ADAM23: variants seen among roughly 807,000 people sequenced by gnomAD.
The protein encoded by ADAM23 is disintegrin and metalloproteinase domain-containing protein 23.
A neutral mutation model predicts 120.1 loss-of-function variants in ADAM23; 33 were observed. The observed-to-expected ratio is 0.27, with a 90% CI of 0.21 to 0.37. The LOEUF (loss-of-function observed/expected upper bound fraction) is 0.37, where lower values mean the gene tolerates loss of function less well. Ranked by LOEUF, ADAM23 falls within the 10% of genes least tolerant of loss-of-function variation. ADAM23 has a pLI of 1.00. For missense variants in ADAM23, 862 were observed against 1,058.2 expected (o/e 0.81, Z 2.57); for synonymous variants, 367 against 375.2 (o/e 0.98, Z 0.25).
At chr2:206,597,705 GT>G (rs1273552179) in intron 24 of ADAM23, among the ~76,000 whole-genome samples, 1 of 152,142 alleles carries the variant, frequency 6.6e-6, no homozygotes, top group African/African-American at 2.4e-5. Flanking sequence ...ACTGCTAACA[GT>G]TTTTTTGTAA....
At chr2:206,527,667 C>T (rs919967809) in intron 3 of ADAM23, among the ~76,000 whole-genome samples, 1 of 152,172 alleles carries the variant, frequency 6.6e-6, no homozygotes, top group Admixed American at 6.5e-5. Flanking sequence ...TAGATGTTTG[C>T]TCACTCAGCA....
chr2:206,576,363 G>C (rs1444293677), intron 18 of ADAM23, among the ~76,000 whole-genome samples: 1 of 151,990 alleles, frequency 6.6e-6, no homozygotes, highest in Non-Finnish European at 1.5e-5. Context: ...CTAGAAATAA[G>C]ATTTTTATGA....
At position 206,487,129 on chromosome 2, in the gene ADAM23, CAT is replaced by C. The variant is rs137939929; in HGVS notation, c.509+5822_509+5823del. On this transcript the variant is annotated intron_variant, in intron 3 of 25. Transcript: ENST00000264377. Reference sequence around the variant, plus strand: ...TTGTTGCAAGGATTAGATGAGATAACATGTGGTGCTTGCACGTGTTTGTTGAC... The same window carrying C: ...TTGTTGCAAGGATTAGATGAGATAACGTGGTGCTTGCACGTGTTTGTTGAC... Among the ~76,000 whole-genome samples, 137 of 152,268 alleles carry C rather than the reference CAT, an allele frequency of 9.0e-4. 2 individuals carry two copies. The East Asian group carries it at 0.025, about 28-fold the overall frequency.
intron 3 of ADAM23, among the ~76,000 whole-genome samples, chr2:206,494,481 C>A (rs947505818): frequency 2.6e-5 from 4 of 152,120 alleles, no homozygotes; most frequent in Non-Finnish European, 5.9e-5. Flanking sequence ...TTTAAGGAGC[C>A]CACAGTTTAG....
chr2:206,468,988 A>G (rs1305317976), intron 2 of ADAM23, among the ~76,000 whole-genome samples: 1 of 151,958 alleles, frequency 6.6e-6, no homozygotes, highest in Non-Finnish European at 1.5e-5. Context: ...ACCAAATCTC[A>G]TGACAACTCA....
intron 3 of ADAM23, among the ~76,000 whole-genome samples, chr2:206,506,026 T>A (rs1696490245): frequency 6.6e-6 from 1 of 152,208 alleles, no homozygotes; most frequent in African/African-American, 2.4e-5. Flanking sequence ...CTTTTTTAGT[T>A]GTGTGTTGAC....
At chr2:206,514,168 G>GTAT (rs1349052491) in intron 3 of ADAM23, among the ~76,000 whole-genome samples, 1 of 152,112 alleles carries the variant, frequency 6.6e-6, no homozygotes, top group Non-Finnish European at 1.5e-5. Context: ...AATACATTTT[G>GTAT]TATTACATTT....
chr2:206,451,380 C>T (rs2269184), intron 2 of ADAM23, among the ~76,000 whole-genome samples: 55,229 of 151,996 alleles, frequency 0.36, 10,185 homozygotes, highest in Middle Eastern at 0.41. Flanking sequence ...GCTAGGACTA[C>T]AGGTGTGTGC....
At chr2:206,538,837 C>T (rs1217756666) in intron 4 of ADAM23, among the ~76,000 whole-genome samples, 1 of 152,088 alleles carries the variant, frequency 6.6e-6, no homozygotes, top group African/African-American at 2.4e-5. Flanking sequence ...TCTCAAACTC[C>T]TCCTGGGCTT....
chr2:206,572,477 G>C (rs1296604130), intron 17 of ADAM23, among the ~76,000 whole-genome samples: 1 of 151,978 alleles, frequency 6.6e-6, no homozygotes, highest in Non-Finnish European at 1.5e-5. Context: ...TCAATATTAG[G>C]GGGTACTATG....
intron 2 of ADAM23, among the ~76,000 whole-genome samples, chr2:206,454,642 A>T (rs139019646): frequency 1.3e-5 from 2 of 152,214 alleles, no homozygotes; most frequent in African/African-American, 4.8e-5. Context: ...TCTGTAAAAT[A>T]AAAAACAAGT....
intron 17 of ADAM23, 148 bp from the exon 18 acceptor site, chr2:206,572,967 C>A: frequency 1.4e-6 from 1 of 734,188 alleles, no homozygotes; most frequent in Non-Finnish European, 2.4e-6. Context: ...TTCTATTCTG[C>A]AATAGGATAT....
chr2:206,527,882 A>G (rs1696973807), intron 3 of ADAM23, among the ~76,000 whole-genome samples: 1 of 152,178 alleles, frequency 6.6e-6, no homozygotes, highest in Non-Finnish European at 1.5e-5. Flanking sequence ...TATTTCTCTC[A>G]GTATTTGCCA....
chr2:206,540,216 TACACACACACACACAC>T (rs71034461), intron 4 of ADAM23, among the ~76,000 whole-genome samples: 186 of 131,930 alleles, frequency 1.4e-3, no homozygotes, highest in Middle Eastern at 3.9e-3. Context: ...CCCTTCACTG[TACACACACACACACAC>T]ACACACACAC....
At position 206,543,306 on chromosome 2, in the gene ADAM23, T is replaced by C; in HGVS notation, c.710T>C (p.Val237Ala). 1.2e-6 allele frequency: 2 copies of C among 1,613,998 alleles called. No individual in the cohort carries two copies. Among genetic ancestry groups the C allele is most frequent in the Non-Finnish European group, 1.7e-6 (2 of 1,179,888 alleles). The change falls in exon 6 of 26, where the codon GTT (valine) becomes GCT (alanine). Residue 237 changes from valine (V) to alanine (A), a missense_variant. Physicochemically the swap from Val to Ala is moderately conservative, Grantham distance 64. Transcript: ENST00000264377. ...TATATGATAGAGCCACTAGAGCTGG[T>C]TCATGATGAGGTGAGTCTATGCCAT... ...FVYMIEPLEL[V>A]HDEKSTGRPH... is the part of the protein sequence containing the mutation.
intron 2 of ADAM23, among the ~76,000 whole-genome samples, chr2:206,447,334 C>A (rs968621049): frequency 2.0e-5 from 3 of 152,202 alleles, no homozygotes; most frequent in Non-Finnish European, 4.4e-5. Flanking sequence ...ATTAGTTTAA[C>A]TCTATAAACA....
intron 3 of ADAM23, among the ~76,000 whole-genome samples, chr2:206,496,324 A>C (rs551496630): frequency 6.6e-6 from 1 of 152,308 alleles, no homozygotes; most frequent in South Asian, 2.1e-4. Flanking sequence ...GTGCAATCAA[A>C]CTAGAACTCA....
chr2:206,501,622 A>T (rs937105595), intron 3 of ADAM23, among the ~76,000 whole-genome samples: 7 of 145,650 alleles, frequency 4.8e-5, no homozygotes, highest in African/African-American at 2.0e-4. Flanking sequence ...TTTTAAGCAC[A>T]TAAGAAGCTA....
At chr2:206,456,342 C>G (rs113613480) in intron 2 of ADAM23, among the ~76,000 whole-genome samples, 2,433 of 152,126 alleles carry the variant, frequency 0.016, 72 homozygotes, top group African/African-American at 0.055. Context: ...AATCCACCCC[C>G]GAGATCCAAT....
Sources: allele counts gnomAD v4.1 joint callset (sites outside exome capture counted in the v4.1 genomes callset), GRCh38; gene constraint gnomAD v4.1.1; transcripts MANE v1.5; gene names NCBI Gene and HGNC (gene_info 2026-07-23, HGNC 2026-07-21).